PACSIN1: variants seen among roughly 807,000 people sequenced by gnomAD.
PACSIN1 encodes protein kinase C and casein kinase substrate in neurons 1.
In PACSIN1, 15 loss-of-function variants were observed where a neutral mutation model predicts 59.5. The ratio of observed to expected loss-of-function variants is 0.25; its 90% CI spans 0.17 to 0.39. The LOEUF is 0.39. Ranked by LOEUF, PACSIN1 falls within the 10% of genes least tolerant of loss-of-function variation. The pLI, the probability that PACSIN1 is intolerant of heterozygous loss-of-function variation, is 1.00. For missense variants in PACSIN1, 420 were observed against 580.2 expected (o/e 0.72, Z 2.84); for synonymous variants, 210 against 220.6 (o/e 0.95, Z 0.42).
Position 34,531,872 on chromosome 6 carries a change from G to A in PACSIN1, c.1225+85G>A. The A allele has an allele frequency of 7.5e-7, 1 of 1,333,830 alleles. No homozygotes were observed. Among genetic ancestry groups the A allele is most frequent in the Non-Finnish European group, 1.0e-6 (1 of 980,230 alleles). The allele number at this position is 1,333,830 out of a possible 1,614,324, so 82.6% of individuals were successfully genotyped here. A position where few individuals can be genotyped will look rare whatever the true frequency, so the allele number is the denominator to read the frequency against. ...TGGTGCAGGGGCGGTGCCTGAGAGA[G>A]AAGCTTGGGTCTGGATTGGGTGTGT... is the stretch of plus-strand genomic sequence containing the variant. On this transcript the variant is annotated intron_variant, in intron 9 of 9. Coordinates refer to ENST00000244458, the MANE Select transcript of PACSIN1 (RefSeq NM_020804.5). This position sits in a 1 kb window ranked among gnomAD's most constrained non-coding sequence, Gnocchi z 4.4.
chr6:34,490,143 T>C (rs773199063), intron 1 of PACSIN1, among the ~76,000 whole-genome samples: 1 of 151,488 alleles, frequency 6.6e-6, no homozygotes, highest in Non-Finnish European at 1.5e-5. Context: ...CCTCGACCTC[T>C]GGGTTCAAGT....
In PACSIN1 at chr6:34,478,900, G is replaced by A. The variant is rs760155943; in HGVS notation, c.-64+12630G>A. ...TGAGAAGTCCAAGCAGCATGGCGCCGGGTCTGCTTGTCTTCTGGTGAGGAC... is the reference window on the plus strand; with the variant it reads ...TGAGAAGTCCAAGCAGCATGGCGCCAGGTCTGCTTGTCTTCTGGTGAGGAC... On this transcript the variant is annotated intron_variant, in intron 1 of 9. Transcript: ENST00000244458. Among the ~76,000 whole-genome samples, 96 of 152,172 alleles carry A rather than the reference G, an allele frequency of 6.3e-4. 1 individual carries two copies. The highest frequency in any genetic ancestry group is 1.0e-3 in the Non-Finnish European group (68 of 68,020).
At chr6:34,520,093 G>A (rs1767361625) in intron 1 of PACSIN1, among the ~76,000 whole-genome samples, 1 of 152,074 alleles carries the variant, frequency 6.6e-6, no homozygotes, top group South Asian at 2.1e-4. Flanking sequence ...GTGAGTGATG[G>A]GAGGGAGGAT....
intron 1 of PACSIN1, among the ~76,000 whole-genome samples, chr6:34,522,972 A>G (rs769415268): frequency 1.3e-5 from 2 of 152,266 alleles, no homozygotes; most frequent in South Asian, 4.1e-4. Flanking sequence ...TTCCTTCCTC[A>G]GTCCACTGAT....
intron 1 of PACSIN1, among the ~76,000 whole-genome samples, chr6:34,500,495 G>A (rs571621039): frequency 1.1e-3 from 162 of 152,138 alleles, no homozygotes; most frequent in Non-Finnish European, 1.6e-3. Context: ...TCAGTAAACT[G>A]TGCCGTCAAC....
At position 34,507,026 on chromosome 6, in the gene PACSIN1, C is replaced by T. The variant is rs116066319; in HGVS notation, c.-63-19217C>T. 3.4e-3 allele frequency among the ~76,000 whole-genome samples: 519 copies of T among 152,302 alleles called. 1 individual carries two copies. Among genetic ancestry groups the T allele is most frequent in the African/African-American group, 0.012 (483 of 41,540 alleles). Reference sequence around the variant, plus strand: ...TAGTTTCTTCCATGGTGTTTGGCTACAGTAGGGACGTCATTGTTTTAAAGG... The same window carrying T: ...TAGTTTCTTCCATGGTGTTTGGCTATAGTAGGGACGTCATTGTTTTAAAGG... On this transcript the variant is annotated intron_variant, in intron 1 of 9. Coordinates refer to ENST00000244458, the MANE Select transcript of PACSIN1 (RefSeq NM_020804.5).
At chr6:34,512,118 T>C (rs919045997) in intron 1 of PACSIN1, among the ~76,000 whole-genome samples, 12 of 151,914 alleles carry the variant, frequency 7.9e-5, no homozygotes, top group African/African-American at 2.9e-4. Context: ...GGTGTCCCTG[T>C]GCCAGCGTGG....
intron 2 of PACSIN1, among the ~76,000 whole-genome samples, chr6:34,526,964 T>C (rs1316487066): frequency 2.0e-5 from 3 of 152,196 alleles, no homozygotes; most frequent in African/African-American, 7.2e-5. Context: ...AACTCAACGC[T>C]TATATGACTC....
chr6:34,480,849 A>G (rs1766708031), intron 1 of PACSIN1, among the ~76,000 whole-genome samples: 1 of 151,726 alleles, frequency 6.6e-6, no homozygotes. Flanking sequence ...TGCACAAAGC[A>G]GTGTGTGCAG....
intron 2 of PACSIN1, 66 bp from the exon 3 acceptor site, chr6:34,527,266 G>A: frequency 7.0e-7 from 1 of 1,426,044 alleles, no homozygotes; most frequent in East Asian, 2.8e-5. Flanking sequence ...GGCCGTGCTG[G>A]ATGCGGCGGG....
intron 1 of PACSIN1, among the ~76,000 whole-genome samples, chr6:34,480,808 G>T (rs1483938330): frequency 6.6e-6 from 1 of 152,094 alleles, no homozygotes; most frequent in Non-Finnish European, 1.5e-5. Context: ...ATGTGAAACT[G>T]TTCTCCAGAG....
At position 34,520,000 on chromosome 6, in the gene PACSIN1, G is replaced by C. The variant is rs541079848; in HGVS notation, c.-63-6243G>C. Among the ~76,000 whole-genome samples the C allele has an allele frequency of 7.9e-5, 12 of 152,254 alleles. No individual in the cohort carries two copies. In the East Asian group the frequency reaches 2.3e-3, roughly 29 times the overall value. ...TCAGATGAGGGGAGGGGTAGGCGAGGGCTGGGGTATTTGGGGAAGACTTCT... is the reference window on the plus strand; with the variant it reads ...TCAGATGAGGGGAGGGGTAGGCGAGCGCTGGGGTATTTGGGGAAGACTTCT... On this transcript the variant is annotated intron_variant, in intron 1 of 9. Transcript: ENST00000244458.
At chr6:34,482,825 A>C (rs1206361742) in intron 1 of PACSIN1, among the ~76,000 whole-genome samples, 1 of 151,548 alleles carries the variant, frequency 6.6e-6, no homozygotes, top group Non-Finnish European at 1.5e-5. Context: ...CTGGGATTAC[A>C]GGCGCCTGCC....
In PACSIN1 at chr6:34,531,552, A is replaced by G. The variant is rs1337425690; in HGVS notation, c.1038-48A>G. On this transcript the variant is annotated intron_variant, in intron 8 of 9. Transcript: ENST00000244458. The surrounding 1 kb of genome is among the most constrained non-coding windows in gnomAD (Gnocchi z 4.4). ...TTAGGAGGAGCGGTTAGCCCTCGGG[A>G]TGCGGTACGGGGAGACATTGAAGCT... 12 of 1,584,336 alleles carry G rather than the reference A, an allele frequency of 7.6e-6. No individual in the cohort carries two copies. The highest frequency in any genetic ancestry group is 1.0e-5 in the Non-Finnish European group (12 of 1,157,964).
At chr6:34,499,349 G>C (rs1471575909) in intron 1 of PACSIN1, among the ~76,000 whole-genome samples, 2 of 151,548 alleles carry the variant, frequency 1.3e-5, no homozygotes, top group Admixed American at 1.3e-4. Context: ...CTTACCTCCT[G>C]GTGTGCAGCC....
At chr6:34,472,915 C>G (rs1766592145) in intron 1 of PACSIN1, among the ~76,000 whole-genome samples, 1 of 152,104 alleles carries the variant, frequency 6.6e-6, no homozygotes, top group African/African-American at 2.4e-5. Flanking sequence ...TTTGTTTATC[C>G]ATATTTATAA....
In PACSIN1 at chr6:34,527,478, C is replaced by T. The variant is rs762450496; in HGVS notation, c.210C>T (p.Leu70=). 28 of 1,591,886 alleles carry T rather than the reference C, an allele frequency of 1.8e-5. No individual in the cohort carries two copies. The highest frequency in any genetic ancestry group is 8.0e-5 in the South Asian group (7 of 87,212). The change falls in exon 3 of 10, where the codon CTC becomes CTT. Residue 70 remains leucine (L), a synonymous_variant. Transcript: ENST00000244458. The stretch of plus-strand genomic sequence containing the variant: ...ACTGGGCCAAGCGTTGGCGCCAGCT[C>T]ATCGAGAAAGGTGCTCCCCCAGGCT... ...LTDWAKRWRQ[L]IEKGPQYGSL... is the part of the protein sequence containing the mutation.
intron 1 of PACSIN1, among the ~76,000 whole-genome samples, chr6:34,493,981 C>T (rs1373081411): frequency 6.6e-6 from 1 of 152,190 alleles, no homozygotes; most frequent in African/African-American, 2.4e-5. Context: ...TCCTTTGGTT[C>T]TCATAATAGC....
chr6:34,478,734 A>AT (rs1766676015), intron 1 of PACSIN1, among the ~76,000 whole-genome samples: 1 of 152,104 alleles, frequency 6.6e-6, no homozygotes, highest in Non-Finnish European at 1.5e-5. Context: ...ACCAGTGAAT[A>AT]TTTTTTCCTT....
Sources: allele counts gnomAD v4.1 joint callset (sites outside exome capture counted in the v4.1 genomes callset), GRCh38; gene constraint gnomAD v4.1.1; non-coding constraint Gnocchi (gnomAD v3.1); transcripts MANE v1.5; gene names NCBI Gene and HGNC (gene_info 2026-07-23, HGNC 2026-07-21).